DDX46: variants seen among roughly 807,000 people sequenced by gnomAD.
DDX46 encodes DEAD-box helicase 46, also known as probable ATP-dependent RNA helicase DDX46.
DDX46 carries 30 observed loss-of-function variants against 134.9 expected under a neutral mutation model. The ratio of observed to expected loss-of-function variants is 0.22; its 90% CI spans 0.17 to 0.30. The LOEUF (loss-of-function observed/expected upper bound fraction) is 0.30, where lower values mean the gene tolerates loss of function less well. DDX46 is among the 10% of genes least tolerant of loss of function. The pLI is 1.00. For synonymous variants in DDX46, 415 were observed against 404.1 expected (o/e 1.03, Z -0.32); for missense variants, 622 against 1,248.7 (o/e 0.50, Z 7.56).
chr5:134,820,564 A>G (rs747665351), intron 21 of DDX46, among the ~76,000 whole-genome samples: 5 of 152,162 alleles, frequency 3.3e-5, no homozygotes, highest in Admixed American at 2.6e-4. Context: ...GGGTTTCACC[A>G]TGTTGGCCAG....
At position 134,763,973 on chromosome 5, in the gene DDX46, C is replaced by A. The variant is rs1325235182; in HGVS notation, c.87C>A (p.Asp29Glu). 20 of 1,613,940 alleles carry A rather than the reference C, an allele frequency of 1.2e-5. No homozygotes were observed. The highest frequency in any genetic ancestry group is 1.7e-5 in the Non-Finnish European group (20 of 1,180,022). The change falls in exon 2 of 23, where the codon GAC (aspartate) becomes GAA (glutamate). Residue 29 changes from aspartate (D) to glutamate (E), a missense_variant. By Grantham distance (45) the Asp-to-Glu change is conservative (BLOSUM62 2). Coordinates refer to ENST00000452510, the MANE Select transcript of DDX46 (RefSeq NM_001300860.2). ...GGTCTAGAAGTCGCTCACCCTCAGA[C>A]AAAAGAAGTAAACGTGGAGATGACA... Reference protein sequence around the residue: ...GSRSRSRSPSDKRSKRGDDRR... With the variant: ...GSRSRSRSPSEKRSKRGDDRR...
intron 16 of DDX46, among the ~76,000 whole-genome samples, chr5:134,808,289 A>G (rs570896096): frequency 1.6e-4 from 24 of 152,212 alleles, no homozygotes; most frequent in Non-Finnish European, 3.2e-4. Flanking sequence ...CATTTAATAT[A>G]CCTGACGTAC....
chr5:134,795,039 C>T (rs746733090), intron 14 of DDX46, 25 bp downstream of exon 14: 18 of 1,610,618 alleles, frequency 1.1e-5, no homozygotes, highest in Admixed American at 1.7e-5. Context: ...TAGGAAATTC[C>T]CAGTTTCCTT....
Position 134,828,786 on chromosome 5 carries a change from A to G in DDX46, c.*80A>G, listed in dbSNP as rs1755658420. 1 of 1,067,240 alleles carries G rather than the reference A, an allele frequency of 9.4e-7. No homozygotes were observed. Among genetic ancestry groups the G allele is most frequent in the Non-Finnish European group, 1.3e-6 (1 of 789,652 alleles). 66.1% of individuals were successfully genotyped at this position (1,067,240 alleles called of 1,614,324 possible). A position where few individuals can be genotyped will look rare whatever the true frequency, so the allele number is the denominator to read the frequency against. On this transcript the variant is annotated 3_prime_UTR_variant, in exon 23 of 23. Transcript: ENST00000452510. ...CTGTCTGCAGTTTACAATGTATTGTAAATGAAGATTTTTTAAATTCTATCT... is the reference window on the plus strand; with the variant it reads ...CTGTCTGCAGTTTACAATGTATTGTGAATGAAGATTTTTTAAATTCTATCT...
intron 21 of DDX46, among the ~76,000 whole-genome samples, chr5:134,820,905 A>G (rs1211490625): frequency 7.4e-6 from 1 of 134,528 alleles, no homozygotes; most frequent in African/African-American, 2.9e-5. Flanking sequence ...CCACTGTGTC[A>G]TCTAGGCTGG....
intron 22 of DDX46, among the ~76,000 whole-genome samples, chr5:134,827,940 C>T (rs1755634548): frequency 6.6e-6 from 1 of 152,112 alleles, no homozygotes; most frequent in Admixed American, 6.6e-5. Flanking sequence ...AATAGTTTTC[C>T]AAAGAGGTTA....
Position 134,794,875 on chromosome 5 carries a change from G to C in DDX46, c.1652G>C (p.Arg551Pro). 6.2e-7 allele frequency: 1 copy of C among 1,614,112 alleles called. No individual in the cohort carries two copies. The highest frequency in any genetic ancestry group is 2.2e-5 in the East Asian group (1 of 44,888). ...PQVMRIVDNVRPDRQTVMFSA... is the reference protein window; with the variant it reads ...PQVMRIVDNVPPDRQTVMFSA... ...GTCATGCGCATCGTGGATAATGTTC[G>C]TCCTGATCGACAGACGGTTATGTTT... is the stretch of plus-strand genomic sequence containing the variant. The change falls in exon 14 of 23, where the codon CGT becomes CCT. Residue 551 changes from arginine (R) to proline (P), a missense_variant. Arg to Pro is a moderately radical substitution (Grantham distance 103). Coordinates refer to ENST00000452510, the MANE Select transcript of DDX46 (RefSeq NM_001300860.2).
intron 22 of DDX46, among the ~76,000 whole-genome samples, chr5:134,828,332 A>G (rs1245461281): frequency 6.6e-6 from 1 of 152,208 alleles, no homozygotes; most frequent in Non-Finnish European, 1.5e-5. Flanking sequence ...CTGTTAAATC[A>G]TGTGCTTAAT....
intron 15 of DDX46, among the ~76,000 whole-genome samples, chr5:134,802,344 T>C (rs1754856290): frequency 1.3e-5 from 2 of 152,122 alleles, no homozygotes; most frequent in South Asian, 4.2e-4. Flanking sequence ...GTATTTTTAG[T>C]AGAGACAGGG....
chr5:134,811,905 C>G, intron 18 of DDX46, 60 bp downstream of exon 18: 1 of 1,562,246 alleles, frequency 6.4e-7, no homozygotes, highest in South Asian at 1.2e-5. Flanking sequence ...TACTGGAGGT[C>G]TTGCCATATA....
rs573093067 is a variant in DDX46 at position 134,784,290 on chromosome 5, A to G, written c.1167-76A>G. The G allele has an allele frequency of 8.9e-6, 13 of 1,462,298 alleles. No homozygotes were observed. The East Asian group carries it at 2.6e-4, about 29-fold the overall frequency. The allele number at this position is 1,462,298 out of a possible 1,614,324, so 90.6% of individuals were successfully genotyped here. On this transcript the variant is annotated intron_variant, in intron 9 of 22. Transcript: ENST00000452510. ...TACCACCTTTTGGAAGTTCATTTTT[A>G]TGGGAACACATAGGACCTGTCTGGG...
intron 1 of DDX46, among the ~76,000 whole-genome samples, chr5:134,763,469 T>C (rs752892176): frequency 1.4e-4 from 21 of 152,222 alleles, no homozygotes; most frequent in Admixed American, 1.0e-3. Flanking sequence ...AAGCTTCCTC[T>C]TTAGGGACTT....
intron 7 of DDX46, 94 bp from the exon 8 acceptor site, chr5:134,781,827 A>G (rs1754163837): frequency 2.5e-6 from 3 of 1,216,060 alleles, no homozygotes; most frequent in East Asian, 2.5e-5. Context: ...AGTAGTTTCT[A>G]GGAGAGGAAG....
chr5:134,807,349 G>T (rs1394205149), intron 15 of DDX46, among the ~76,000 whole-genome samples: 2 of 152,112 alleles, frequency 1.3e-5, no homozygotes, highest in South Asian at 2.1e-4. Flanking sequence ...AAGCTCCCAG[G>T]TGATGCTGCT....
At chr5:134,816,099 A>G (rs542871358) in intron 18 of DDX46, among the ~76,000 whole-genome samples, 1 of 152,308 alleles carries the variant, frequency 6.6e-6, no homozygotes, top group Non-Finnish European at 1.5e-5. Context: ...CCTATTGGCT[A>G]TTCTGTCTTG....
chr5:134,809,038 A>G (rs1004595547), intron 16 of DDX46, among the ~76,000 whole-genome samples: 1 of 152,182 alleles, frequency 6.6e-6, no homozygotes, highest in Non-Finnish European at 1.5e-5. Context: ...CTTTGAGGTA[A>G]ATAATATTAC....
chr5:134,793,652 G>T (rs910704175), intron 13 of DDX46, among the ~76,000 whole-genome samples: 1 of 152,144 alleles, frequency 6.6e-6, no homozygotes, highest in East Asian at 1.9e-4. Flanking sequence ...TGATCCGCCT[G>T]CCTTGACCTC....
chr5:134,809,870 G>A (rs987696614), intron 16 of DDX46, among the ~76,000 whole-genome samples: 2 of 152,018 alleles, frequency 1.3e-5, no homozygotes, highest in African/African-American at 4.8e-5. Flanking sequence ...AAAATTAGCC[G>A]GGCATGGTGG....
chr5:134,781,225 G>T lies in DDX46; in HGVS notation c.858G>T (p.Glu286Asp). The T allele has an allele frequency of 6.2e-7, 1 of 1,605,064 alleles. No homozygotes were observed. Among genetic ancestry groups the T allele is most frequent in the South Asian group, 1.1e-5 (1 of 88,898 alleles). Residue 286 changes from glutamate (E) to aspartate (D), a missense_variant, in exon 7 of 23, where the codon GAG becomes GAT. Glu to Asp is a conservative substitution (Grantham distance 45, BLOSUM62 2). Around this residue, in one of 8 missense-constraint regions of DDX46, gnomAD observed 9 missense variants for 37.7 expected, o/e 0.24. Coordinates refer to ENST00000452510, the MANE Select transcript of DDX46 (RefSeq NM_001300860.2). Reference protein sequence around the residue: ...DSDKKKGELMENDQDAMEYSS... With the variant: ...DSDKKKGELMDNDQDAMEYSS... ...ATAAGAAGAAAGGTGAGCTGATGGA[G>T]AATGACCAGGATGCCATGGAGGTGA...
Sources: gnomAD v4.1 joint callset for allele counts (sites outside exome capture counted in the v4.1 genomes callset) on GRCh38, gnomAD v4.1.1 for gene constraint, gnomAD v4.1.1 regional missense constraint, MANE v1.5 for transcripts, NCBI Gene and HGNC (gene_info 2026-07-23, HGNC 2026-07-21) for gene names.